Variants in MARCHF1 observed in about 807,000 individuals in gnomAD.
MARCHF1 encodes the protein E3 ubiquitin-protein ligase MARCHF1.
Under a neutral mutation model 54.2 loss-of-function variants are expected in MARCHF1, and 40 were observed. The observed-to-expected ratio is 0.74, with a 90% CI of 0.57 to 0.96. The LOEUF (loss-of-function observed/expected upper bound fraction) is 0.96, where lower values mean the gene tolerates loss of function less well. Ranked by LOEUF, MARCHF1 falls within the 40% of genes least tolerant of loss-of-function variation. The pLI is 0.00. For missense variants in MARCHF1, 586 were observed against 656.5 expected (o/e 0.89, Z 1.17); for synonymous variants, 236 against 236.3 (o/e 1.00, Z 0.01).
intron 4 of MARCHF1, among the ~76,000 whole-genome samples, chr4:163,847,238 G>A (rs1481573290): frequency 6.6e-6 from 1 of 151,704 alleles, no homozygotes; most frequent in Non-Finnish European, 1.5e-5. Context: ...CGTTTTGTAA[G>A]TTTGAAACTT....
chr4:164,200,989 G>A (rs1013284034), intron 1 of MARCHF1, among the ~76,000 whole-genome samples: 1 of 152,040 alleles, frequency 6.6e-6, no homozygotes, highest in African/African-American at 2.4e-5. Context: ...CAGACCACGA[G>A]GCAGAAACAG....
chr4:164,073,918 C>T (rs1226307472), intron 2 of MARCHF1, among the ~76,000 whole-genome samples: 1 of 152,112 alleles, frequency 6.6e-6, no homozygotes, highest in Non-Finnish European at 1.5e-5. Context: ...ATTCTCCTGC[C>T]TCAGCCTCCC....
chr4:163,832,647 G>C (rs1749061362), intron 4 of MARCHF1, among the ~76,000 whole-genome samples: 1 of 150,886 alleles, frequency 6.6e-6, no homozygotes. Flanking sequence ...GTGCAGGTTA[G>C]TTACATATGT....
rs530106492 is a variant in MARCHF1, at chr4:163,725,529, CA to C, written c.112-24667del. Among the ~76,000 whole-genome samples, 176 of 149,378 alleles carry C rather than the reference CA, an allele frequency of 1.2e-3. 1 individual carries two copies. Among genetic ancestry groups the C allele is most frequent in the African/African-American group, 4.1e-3 (166 of 40,652 alleles). On this transcript the variant is annotated intron_variant, in intron 4 of 9. Transcript: ENST00000514618. ...TAATGACATAAAAAGAAAATATGAA[CA>C]AAAAAAGTATGGTAATATAGAAAGT...
chr4:163,899,640 G>T (rs1750894024), intron 3 of MARCHF1, among the ~76,000 whole-genome samples: 1 of 151,874 alleles, frequency 6.6e-6, no homozygotes, highest in Non-Finnish European at 1.5e-5. Flanking sequence ...CATATCCCAG[G>T]CCTCTCTCTC....
At chr4:163,674,801 G>A (rs1460164449) in intron 5 of MARCHF1, among the ~76,000 whole-genome samples, 1 of 152,122 alleles carries the variant, frequency 6.6e-6, no homozygotes, top group Non-Finnish European at 1.5e-5. Flanking sequence ...TAAGATTGCA[G>A]CAATATGAAA....
At chr4:163,868,311 T>C (rs1277047936) in intron 3 of MARCHF1, among the ~76,000 whole-genome samples, 1 of 151,748 alleles carries the variant, frequency 6.6e-6, no homozygotes, top group African/African-American at 2.4e-5. Flanking sequence ...ACATGAAAAA[T>C]ACATAAGAAT....
chr4:163,762,746 C>T (rs952048466), intron 4 of MARCHF1, among the ~76,000 whole-genome samples: 4 of 151,936 alleles, frequency 2.6e-5, no homozygotes, highest in Non-Finnish European at 5.9e-5. Context: ...AATCTTGGTA[C>T]ACTGTTTGAC....
intron 1 of MARCHF1, among the ~76,000 whole-genome samples, chr4:164,229,378 G>A (rs953639986): frequency 1.3e-5 from 2 of 152,138 alleles, no homozygotes; most frequent in Admixed American, 6.5e-5. Context: ...AAGCAACACT[G>A]TGGAAAGGCC....
chr4:163,557,547 T>C (rs1301704491), intron 8 of MARCHF1, among the ~76,000 whole-genome samples: 9 of 152,156 alleles, frequency 5.9e-5, no homozygotes, highest in Admixed American at 3.3e-4. Context: ...TTTTGAGACA[T>C]AGGTGATAAT....
At chr4:164,229,988 C>T (rs1166087813) in intron 1 of MARCHF1, among the ~76,000 whole-genome samples, 1 of 152,124 alleles carries the variant, frequency 6.6e-6, no homozygotes, top group Non-Finnish European at 1.5e-5. Flanking sequence ...CCAAACCGTA[C>T]CACCTGCCTT....
intron 3 of MARCHF1, among the ~76,000 whole-genome samples, chr4:163,919,555 A>T (rs958513746): frequency 6.6e-6 from 1 of 151,930 alleles, no homozygotes; most frequent in African/African-American, 2.4e-5. Context: ...TGAAATTAAT[A>T]TTTATATTAT....
At chr4:163,877,307 T>C (rs1238470536) in intron 3 of MARCHF1, among the ~76,000 whole-genome samples, 1 of 152,182 alleles carries the variant, frequency 6.6e-6, no homozygotes, top group Non-Finnish European at 1.5e-5. Flanking sequence ...TCTTTGTACA[T>C]GTCCAGGGTT....
chr4:164,306,803 C>T (rs538498183), intron 1 of MARCHF1, among the ~76,000 whole-genome samples: 13 of 151,894 alleles, frequency 8.6e-5, no homozygotes, highest in South Asian at 6.3e-4. Flanking sequence ...ATCAAAAAGA[C>T]GATATAAATT....
At chr4:164,168,086 T>A (rs187633591) in intron 1 of MARCHF1, among the ~76,000 whole-genome samples, 30 of 151,900 alleles carry the variant, frequency 2.0e-4, no homozygotes, top group Admixed American at 1.9e-3. Context: ...AAAACCAAAC[T>A]GATTGAAAAA....
At chr4:164,334,279 G>A (rs1398556376) in intron 1 of MARCHF1, among the ~76,000 whole-genome samples, 1 of 152,172 alleles carries the variant, frequency 6.6e-6, no homozygotes, top group East Asian at 1.9e-4. Context: ...AGAGAGAGAA[G>A]TCAATGCCTG....
chr4:164,118,465 T>G (rs1755988395), intron 1 of MARCHF1, among the ~76,000 whole-genome samples: 1 of 150,880 alleles, frequency 6.6e-6, no homozygotes, highest in Admixed American at 6.6e-5. Context: ...ACTGCAAAGT[T>G]TGATAAATAT....
At chr4:164,073,153 T>C (rs1754905171) in intron 2 of MARCHF1, among the ~76,000 whole-genome samples, 1 of 152,198 alleles carries the variant, frequency 6.6e-6, no homozygotes, top group South Asian at 2.1e-4. Flanking sequence ...TAAGCTGTAA[T>C]TTATGAGCTG....
intron 9 of MARCHF1, among the ~76,000 whole-genome samples, chr4:163,532,710 T>G (rs1220154895): frequency 6.6e-6 from 1 of 151,886 alleles, no homozygotes; most frequent in African/African-American, 2.4e-5. Context: ...AATTACAAAA[T>G]GAGCAAAAGA....
Sources: allele counts gnomAD v4.1 joint callset (sites outside exome capture counted in the v4.1 genomes callset), GRCh38; gene constraint gnomAD v4.1.1; transcripts MANE v1.5; gene names NCBI Gene and HGNC (gene_info 2026-07-23, HGNC 2026-07-21).